MGAT4C: variants seen among roughly 807,000 people sequenced by gnomAD.
The protein encoded by MGAT4C is alpha-1,3-mannosyl-glycoprotein 4-beta-N-acetylglucosaminyltransferase C.
A neutral mutation model predicts 40.1 loss-of-function variants in MGAT4C; 19 were observed. The ratio of observed to expected loss-of-function variants is 0.47; its 90% CI spans 0.33 to 0.70. MGAT4C has a LOEUF of 0.70. Ranked by LOEUF, MGAT4C falls within the 30% of genes least tolerant of loss-of-function variation. The pLI, the probability that MGAT4C is intolerant of heterozygous loss-of-function variation, is 0.02. For missense variants in MGAT4C, 491 were observed against 563.2 expected, an observed-to-expected ratio of 0.87 and a Z score of 1.30; for synonymous variants, 181 against 187.1, an observed-to-expected ratio of 0.97 and a Z score of 0.27.
Position 86,418,106 on chromosome 12 carries a change from T to C in MGAT4C, c.-120+17051A>G, listed in dbSNP as rs182896830. On this transcript the variant is annotated intron_variant, in intron 3 of 7. Transcript: ENST00000548651. The stretch of plus-strand genomic sequence containing the variant: ...ATGTACATTCTTTGCACAAACTTTT[T>C]TTAGCTATTGAAAAATAAAAGCCAT... Among the ~76,000 whole-genome samples, 612 of 152,264 alleles carry C rather than the reference T, an allele frequency of 4.0e-3. 2 individuals are homozygous for C. Among genetic ancestry groups the C allele is most frequent in the Admixed American group, 9.5e-3 (145 of 15,286 alleles).
At chr12:86,746,067 G>A (rs1354619814) in intron 1 of MGAT4C, among the ~76,000 whole-genome samples, 3 of 151,656 alleles carry the variant, frequency 2.0e-5, no homozygotes, top group African/African-American at 7.3e-5. Context: ...CTCACAGAAA[G>A]CTGGCATCCA....
chr12:86,642,853 A>G (rs1593072935), intron 2 of MGAT4C, among the ~76,000 whole-genome samples: 1 of 151,696 alleles, frequency 6.6e-6, no homozygotes, highest in East Asian at 1.9e-4. Context: ...GAAACCTATA[A>G]TAAAAAAGAC....
chr12:86,256,706 A>G (rs1343422162), upstream of MGAT4C, among the ~76,000 whole-genome samples: 1 of 152,184 alleles, frequency 6.6e-6, no homozygotes, highest in African/African-American at 2.4e-5. Context: ...CAGTGTTTAT[A>G]AAAGGTATTT....
chr12:85,980,243 C>T lies in MGAT4C; in HGVS notation c.483G>A (p.Ala161=), dbSNP rs765429825. 5.6e-6 allele frequency: 9 copies of T among 1,613,824 alleles called. No individual in the cohort carries two copies. Among genetic ancestry groups the T allele is most frequent in the Non-Finnish European group, 6.8e-6 (8 of 1,179,866 alleles). Residue 161 remains alanine, a synonymous_variant, in exon 5 of 5, where the codon GCG becomes GCA. Coordinates refer to ENST00000611864, the MANE Select transcript of MGAT4C (RefSeq NM_001351288.2). Reference sequence around the variant, plus strand: ...TTAATCTTCCTGCAATAATATGGTGCGCAAATTTCTGTGTAATATCCTGGA... The same window carrying T: ...TTAATCTTCCTGCAATAATATGGTGTGCAAATTTCTGTGTAATATCCTGGA... ...AMVQDITQKF[A]HHIIAGRLMV... is the part of the protein sequence containing the mutation.
At chr12:86,329,102 CAATAAATA>C (rs59833458) in intron 4 of MGAT4C, among the ~76,000 whole-genome samples, 3,345 of 139,332 alleles carry the variant, frequency 0.024, 103 homozygotes, top group African/African-American at 0.078. Flanking sequence ...GACTCCATTT[CAATAAATA>C]AATAAATAAA....
chr12:86,645,324 A>T (rs572796143), intron 2 of MGAT4C, among the ~76,000 whole-genome samples: 23 of 151,858 alleles, frequency 1.5e-4, no homozygotes, highest in Admixed American at 1.4e-3. Flanking sequence ...TTCTACTGAG[A>T]TCACTCATGT....
chr12:86,394,713 G>A (rs971519804), intron 3 of MGAT4C, among the ~76,000 whole-genome samples: 4 of 147,384 alleles, frequency 2.7e-5, no homozygotes, highest in South Asian at 4.2e-4. Flanking sequence ...TCCGCCTCTC[G>A]GGTTAAAGCA....
At chr12:86,730,333 T>G (rs1950888038) in intron 1 of MGAT4C, among the ~76,000 whole-genome samples, 1 of 152,014 alleles carries the variant, frequency 6.6e-6, no homozygotes, top group African/African-American at 2.4e-5. Flanking sequence ...TCAATTTGTT[T>G]TAAGGGTAGG....
intron 2 of MGAT4C, among the ~76,000 whole-genome samples, chr12:86,042,867 C>CA (rs140809256): frequency 0.27 from 28,942 of 107,536 alleles, 4,099 homozygotes; most frequent in East Asian, 0.38. Flanking sequence ...GACTCTGTCT[C>CA]AAAAAAAAAA....
At chr12:86,138,359 T>C (rs1364242045) in intron 1 of MGAT4C, among the ~76,000 whole-genome samples, 1 of 151,126 alleles carries the variant, frequency 6.6e-6, no homozygotes, top group South Asian at 2.1e-4. Flanking sequence ...TTAGACAATA[T>C]ACCTAACTGC....
intron 1 of MGAT4C, among the ~76,000 whole-genome samples, chr12:86,086,393 G>C (rs966227894): frequency 4.6e-5 from 7 of 151,916 alleles, no homozygotes; most frequent in Non-Finnish European, 1.0e-4. Flanking sequence ...TTTGCGGGTG[G>C]GGAGCAAGGG....
At chr12:86,307,913 C>T (rs1183016628) in intron 4 of MGAT4C, among the ~76,000 whole-genome samples, 1 of 150,262 alleles carries the variant, frequency 6.7e-6, no homozygotes, top group African/African-American at 2.5e-5. Flanking sequence ...CCGTGTTAGC[C>T]AGGATGGTCT....
chr12:86,300,016 T>A (rs1039346851), intron 4 of MGAT4C, among the ~76,000 whole-genome samples: 2 of 152,232 alleles, frequency 1.3e-5, no homozygotes, highest in Non-Finnish European at 2.9e-5. Flanking sequence ...AACTTATCAA[T>A]TTCAGACCTG....
chr12:86,617,651 G>C (rs1962494860), intron 2 of MGAT4C, among the ~76,000 whole-genome samples: 1 of 151,270 alleles, frequency 6.6e-6, no homozygotes, highest in Admixed American at 6.6e-5. Context: ...TCCTGCCGCT[G>C]CACTCCAGCC....
chr12:86,265,061 C>T (rs988827760), intron 4 of MGAT4C, among the ~76,000 whole-genome samples: 2 of 152,198 alleles, frequency 1.3e-5, no homozygotes, highest in African/African-American at 4.8e-5. Flanking sequence ...GCCGCAGCCT[C>T]ACAGGGAGCC....
At position 85,965,721 on chromosome 12, in the gene MGAT4C, T is replaced by C. The variant is rs1014813507; in HGVS notation, c.*13568A>G. On this transcript the variant is annotated 3_prime_UTR_variant, in exon 5 of 5. Transcript: ENST00000611864. ...TGATCAATTGAATTTGAAACAGAAC[T>C]TTTCCTAGCTTCTAAATGATTAGAA... 1 of 152,078 alleles carries C rather than the reference T, an allele frequency of 6.6e-6. No individual in the cohort carries two copies. The highest frequency in any genetic ancestry group is 1.9e-4 in the East Asian group (1 of 5,194). The allele number at this position is 152,078 out of a possible 1,614,324, so 9.4% of individuals were successfully genotyped here. A position where few individuals can be genotyped will look rare whatever the true frequency, so the allele number is the denominator to read the frequency against.
chr12:86,152,003 T>C (rs1365389051), intron 1 of MGAT4C, among the ~76,000 whole-genome samples: 1 of 152,214 alleles, frequency 6.6e-6, no homozygotes, highest in African/African-American at 2.4e-5. Flanking sequence ...CATGCTTACA[T>C]CTATCAAGTT....
chr12:86,148,033 C>T (rs1883779568), intron 1 of MGAT4C, among the ~76,000 whole-genome samples: 1 of 151,968 alleles, frequency 6.6e-6, no homozygotes, highest in African/African-American at 2.4e-5. Flanking sequence ...AAAACCAAAA[C>T]AAAATAATGT....
chr12:86,434,587 T>C (rs1314851770), intron 3 of MGAT4C, among the ~76,000 whole-genome samples: 1 of 152,006 alleles, frequency 6.6e-6, no homozygotes, highest in Non-Finnish European at 1.5e-5. Flanking sequence ...CAGAATTTTG[T>C]ACTTTGTATA....
Sources: allele counts gnomAD v4.1 joint callset (sites outside exome capture counted in the v4.1 genomes callset), GRCh38; gene constraint gnomAD v4.1.1; transcripts MANE v1.5; gene names NCBI Gene and HGNC (gene_info 2026-07-23, HGNC 2026-07-21).